IL1RAPL2: variants seen among roughly 807,000 people sequenced by gnomAD.
IL1RAPL2 encodes the protein interleukin 1 receptor accessory protein like 2, also known as X-linked interleukin-1 receptor accessory protein-like 2.
IL1RAPL2 carries 3 observed loss-of-function variants against 44.1 expected under a neutral mutation model. That is an observed-to-expected ratio of 0.07 (90% CI 0.03 to 0.18). The LOEUF (loss-of-function observed/expected upper bound fraction) is 0.18. IL1RAPL2 is among the 10% of genes least tolerant of loss of function. The pLI is 1.00. For missense variants in IL1RAPL2, 391 were observed against 496.4 expected (o/e 0.79, Z 2.02); for synonymous variants, 181 against 178.8 (o/e 1.01, Z -0.10).
At chrX:104,624,473 T>C (rs1311013303) in intron 1 of IL1RAPL2, among the ~76,000 whole-genome samples, 1 of 111,818 alleles carries the variant, frequency 8.9e-6, no homozygotes, top group Non-Finnish European at 1.9e-5. Flanking sequence ...ATCTATCTAA[T>C]TCATATTGAA....
chrX:105,121,183 C>T (rs1347032211), intron 2 of IL1RAPL2, among the ~76,000 whole-genome samples: 2 of 111,616 alleles, frequency 1.8e-5, no homozygotes, highest in Non-Finnish European at 1.9e-5. Context: ...ATTGGTAGAA[C>T]AGCCTGACCT....
At chrX:105,272,434 T>G (rs2034454617) in intron 5 of IL1RAPL2, among the ~76,000 whole-genome samples, 1 of 111,978 alleles carries the variant, frequency 8.9e-6, no homozygotes, top group Non-Finnish European at 1.9e-5. Flanking sequence ...ATGCAGCTTT[T>G]TAGACATGAG....
At chrX:104,775,767 T>C (rs1385408601) in intron 2 of IL1RAPL2, among the ~76,000 whole-genome samples, 2 of 111,218 alleles carry the variant, frequency 1.8e-5, no homozygotes, top group African/African-American at 3.3e-5. Context: ...AATCCTGGCA[T>C]GTGTAATAGC....
At chrX:104,860,050 G>A (rs965343704) in intron 2 of IL1RAPL2, among the ~76,000 whole-genome samples, 3 of 112,186 alleles carry the variant, frequency 2.7e-5, no homozygotes, top group Non-Finnish European at 3.8e-5. Flanking sequence ...AACTTCAGAT[G>A]ATAAAAATCC....
intron 6 of IL1RAPL2, among the ~76,000 whole-genome samples, chrX:105,619,331 A>C (rs2037403547): frequency 9.0e-6 from 1 of 110,878 alleles, no homozygotes; most frequent in African/African-American, 3.3e-5. Flanking sequence ...ACTGATCAAG[A>C]GTCTCTAGTG....
chrX:104,926,866 T>G (rs1260423810), intron 2 of IL1RAPL2, among the ~76,000 whole-genome samples: 1 of 111,622 alleles, frequency 9.0e-6, no homozygotes, highest in African/African-American at 3.3e-5. Context: ...GGGATTCAAC[T>G]TGATTAAGGA....
chrX:105,293,082 C>A, intron 5 of IL1RAPL2, among the ~76,000 whole-genome samples: 1 of 93,429 alleles, frequency 1.1e-5, no homozygotes, highest in East Asian at 3.6e-4. Context: ...CATGCCACTG[C>A]ACTCCAGCCT....
chrX:105,456,718 T>G (rs1019404643), intron 5 of IL1RAPL2, among the ~76,000 whole-genome samples: 3 of 111,366 alleles, frequency 2.7e-5, no homozygotes, highest in African/African-American at 9.8e-5. Flanking sequence ...TCCTAGTATT[T>G]CTTTAGCTAC....
At chrX:104,777,423 C>G (rs1014092830) in intron 2 of IL1RAPL2, among the ~76,000 whole-genome samples, 2 of 110,033 alleles carry the variant, frequency 1.8e-5, no homozygotes, top group African/African-American at 6.6e-5. Flanking sequence ...TTATATACCA[C>G]ATTTTGTTCA....
chrX:105,037,822 C>A (rs1381335338), intron 2 of IL1RAPL2, among the ~76,000 whole-genome samples: 1 of 112,060 alleles, frequency 8.9e-6, no homozygotes, highest in African/African-American at 3.2e-5. Flanking sequence ...TCTCTACTTC[C>A]TTTCATGGCA....
intron 2 of IL1RAPL2, among the ~76,000 whole-genome samples, chrX:104,845,198 G>A (rs1431609153): frequency 8.9e-6 from 1 of 112,032 alleles, no homozygotes; most frequent in Non-Finnish European, 1.9e-5. Context: ...ATTACAGATA[G>A]CCAGTCAAAC....
chrX:104,637,089 T>C (rs955164701), intron 1 of IL1RAPL2, among the ~76,000 whole-genome samples: 6 of 110,377 alleles, frequency 5.4e-5, no homozygotes, highest in African/African-American at 2.0e-4. Flanking sequence ...TTTGTAGCTA[T>C]TGTAAGTGGA....
At chrX:105,276,666 C>A (rs1433173424) in intron 5 of IL1RAPL2, among the ~76,000 whole-genome samples, 1 of 111,971 alleles carries the variant, frequency 8.9e-6, no homozygotes, top group Non-Finnish European at 1.9e-5. Context: ...ACTCTGTAGA[C>A]CAAATAAAAC....
chrX:105,660,248 A>C (rs1210178705), intron 6 of IL1RAPL2, among the ~76,000 whole-genome samples: 4 of 111,668 alleles, frequency 3.6e-5, no homozygotes, highest in Non-Finnish European at 7.5e-5. Flanking sequence ...TAAAGAAAAA[A>C]AACTGTATCC....
rs146173965 is a variant in IL1RAPL2 at position 104,679,513 on chromosome X, A to G, written c.82+20518A>G. Among the ~76,000 whole-genome samples, 862 of 112,042 alleles carry G rather than the reference A, an allele frequency of 7.7e-3. 10 individuals carry two copies. The highest frequency in any genetic ancestry group is 0.026 in the African/African-American group (803 of 30,802). ...AATAAACAGTTCCGTTTCCTGGGTA[A>G]TCTTACCTTCCTCTTTCCTAATGTT... On this transcript the variant is annotated intron_variant, in intron 2 of 10. Transcript: ENST00000372582.
At chrX:104,838,874 G>A (rs1921824488) in intron 2 of IL1RAPL2, among the ~76,000 whole-genome samples, 1 of 75,767 alleles carries the variant, frequency 1.3e-5, no homozygotes, top group African/African-American at 5.4e-5. Context: ...TTTTGAGGCA[G>A]AGTCTCTCTC....
rs748881950 is a variant in IL1RAPL2, at chrX:104,819,789, CTGTT to C, written c.82+160798_82+160801del. Among the ~76,000 whole-genome samples the C allele has an allele frequency of 7.7e-4, 86 of 112,090 alleles. 1 individual carries two copies. Among genetic ancestry groups the C allele is most frequent in the African/African-American group, 2.7e-3 (83 of 30,918 alleles). On this transcript the variant is annotated intron_variant, in intron 2 of 10. Transcript: ENST00000372582. The stretch of plus-strand genomic sequence containing the variant: ...CGGTAAAAATGCTTTGTGATTTACA[CTGTT>C]TGTGTGATGTTATGTTCTCAATACA...
intron 6 of IL1RAPL2, among the ~76,000 whole-genome samples, chrX:105,495,220 G>A (rs767209739): frequency 8.9e-6 from 1 of 112,236 alleles, no homozygotes; most frequent in Admixed American, 9.4e-5. Context: ...TTAGAGTGAT[G>A]CAAAAGAGGG....
At chrX:105,151,530 C>A in intron 2 of IL1RAPL2, among the ~76,000 whole-genome samples, 1 of 108,421 alleles carries the variant, frequency 9.2e-6, no homozygotes, top group Non-Finnish European at 1.9e-5. Flanking sequence ...TTTGTTTTTT[C>A]GTTTTTTTGG....
Sources: gnomAD v4.1 joint callset for allele counts (sites outside exome capture counted in the v4.1 genomes callset) on GRCh38, gnomAD v4.1.1 for gene constraint, MANE v1.5 for transcripts, NCBI Gene and HGNC (gene_info 2026-07-23, HGNC 2026-07-21) for gene names.